ZNF254: variants seen among roughly 807,000 people sequenced by gnomAD.
ZNF254 encodes zinc finger protein 254.
ZNF254 carries 10 observed loss-of-function variants against 12.4 expected under a neutral mutation model. That is an observed-to-expected ratio of 0.80 (90% CI 0.50 to 1.36). The LOEUF (loss-of-function observed/expected upper bound fraction) is 1.36. Among genes scored for constraint, ZNF254 ranks in the 40% most tolerant of loss-of-function variants. The pLI is 0.00. For missense variants in ZNF254, 996 were observed against 763.9 expected (o/e 1.30, Z -3.58); for synonymous variants, 305 against 253.4 (o/e 1.20, Z -1.93).
At chr19:24,058,440 C>T (rs572790777) in intron 2 of ZNF254, among the ~76,000 whole-genome samples, 8 of 145,236 alleles carry the variant, frequency 5.5e-5, no homozygotes, top group South Asian at 2.2e-4. Flanking sequence ...GACAGAATTT[C>T]GCTCTTGTTA....
chr19:24,055,855 C>T (rs972393789), intron 2 of ZNF254, among the ~76,000 whole-genome samples: 1 of 152,278 alleles, frequency 6.6e-6, no homozygotes, highest in Non-Finnish European at 1.5e-5. Context: ...CATTGTAACT[C>T]CTGTTCTTAG....
At chr19:24,095,771 T>C (rs1348851285) in intron 1 of ZNF254, among the ~76,000 whole-genome samples, 2 of 152,144 alleles carry the variant, frequency 1.3e-5, no homozygotes, top group Non-Finnish European at 2.9e-5. Context: ...TTCTTCCTTA[T>C]CTAGTTAGTG....
chr19:24,061,115 C>T (rs1171911737), intron 2 of ZNF254, among the ~76,000 whole-genome samples: 1 of 152,084 alleles, frequency 6.6e-6, no homozygotes, highest in Non-Finnish European at 1.5e-5. Context: ...TCTTCTCCTG[C>T]CTGGGCCCTG....
At chr19:24,068,476 T>G (rs1971361161) in intron 2 of ZNF254, among the ~76,000 whole-genome samples, 1 of 152,148 alleles carries the variant, frequency 6.6e-6, no homozygotes, top group Non-Finnish European at 1.5e-5. Flanking sequence ...AATTTTTGTA[T>G]TTTTAGTAGA....
chr19:24,067,413 G>A (rs572598849), intron 2 of ZNF254, among the ~76,000 whole-genome samples: 193 of 151,734 alleles, frequency 1.3e-3, no homozygotes, highest in Non-Finnish European at 2.3e-3. Flanking sequence ...TTATCTTTCT[G>A]GAGCAGTCCA....
chr19:24,121,033 C>T (rs565536148), intron 3 of ZNF254, among the ~76,000 whole-genome samples: 4 of 151,204 alleles, frequency 2.6e-5, no homozygotes, highest in Non-Finnish European at 5.9e-5. Flanking sequence ...GCCACAGTGC[C>T]TGGCCATCAT....
At chr19:24,080,242 C>T (rs1370062811) in intron 2 of ZNF254, 1 of 152,210 alleles carries the variant, frequency 6.6e-6, no homozygotes, top group Non-Finnish European at 1.5e-5. Context: ...CATGGGGTTG[C>T]CCTCCTGGGT....
chr19:24,119,599 C>G (rs1467308833), intron 3 of ZNF254, among the ~76,000 whole-genome samples: 1 of 152,176 alleles, frequency 6.6e-6, no homozygotes, highest in East Asian at 1.9e-4. Flanking sequence ...AGAAGATTCT[C>G]TGATTGCAGC....
At chr19:24,090,290 GT>G (rs1429888156) in intron 1 of ZNF254, among the ~76,000 whole-genome samples, 2 of 152,082 alleles carry the variant, frequency 1.3e-5, no homozygotes, top group Non-Finnish European at 2.9e-5. Flanking sequence ...CTGGGGCATA[GT>G]TCAGAGTCTC....
chr19:24,087,169 C>T, upstream of ZNF254: 1 of 1,148,686 alleles, frequency 8.7e-7, no homozygotes, highest in Non-Finnish European at 1.3e-6. Context: ...GACAAAGCGG[C>T]TTCCGGGATA....
At chr19:24,122,967 A>G (rs1290832709) in intron 3 of ZNF254, among the ~76,000 whole-genome samples, 3 of 151,554 alleles carry the variant, frequency 2.0e-5, no homozygotes, top group Non-Finnish European at 4.4e-5. Flanking sequence ...AAGAACTTTA[A>G]TGCCTCCAGC....
chr19:24,099,523 A>G (rs987840663), intron 1 of ZNF254, among the ~76,000 whole-genome samples: 2 of 152,210 alleles, frequency 1.3e-5, no homozygotes, highest in Non-Finnish European at 2.9e-5. Flanking sequence ...GCAAGTAGCC[A>G]AAAAGACAGC....
At chr19:24,076,088 T>G (rs1971647532) in intron 2 of ZNF254, among the ~76,000 whole-genome samples, 1 of 152,232 alleles carries the variant, frequency 6.6e-6, no homozygotes, top group Non-Finnish European at 1.5e-5. Context: ...ACAAACAATT[T>G]GTACAGATAA....
chr19:24,087,168 G>C, upstream of ZNF254: 1 of 1,125,096 alleles, frequency 8.9e-7, no homozygotes. Context: ...GGACAAAGCG[G>C]CTTCCGGGAT....
At chr19:24,091,507 T>C (rs1476082337) in intron 1 of ZNF254, among the ~76,000 whole-genome samples, 2 of 152,116 alleles carry the variant, frequency 1.3e-5, no homozygotes, top group African/African-American at 4.8e-5. Context: ...TGATTGTTTT[T>C]TGAGATAAAG....
Position 24,128,391 on chromosome 19 carries a change from CAGA to C in ZNF254, c.*415_*417del, listed in dbSNP as rs559359216. 243 of 159,792 alleles carry C rather than the reference CAGA, an allele frequency of 1.5e-3. No homozygotes were observed. The highest frequency in any genetic ancestry group is 2.8e-3 in the Non-Finnish European group (204 of 73,522). The allele number at this position is 159,792 out of a possible 1,614,324, so 9.9% of individuals were successfully genotyped here. On this transcript the variant is annotated 3_prime_UTR_variant, in exon 4 of 4. Coordinates refer to ENST00000357002, the MANE Select transcript of ZNF254 (RefSeq NM_203282.4). ...AAAGCATTAAAATTCTAATTACTCT[CAGA>C]AGATCTGTCAGAAAGTATGTCTTTA...
chr19:24,077,430 T>C (rs916596271), intron 2 of ZNF254, among the ~76,000 whole-genome samples: 1 of 152,204 alleles, frequency 6.6e-6, no homozygotes. Flanking sequence ...AAGGCACTGC[T>C]AGCTGGTCAC....
chr19:24,085,408 G>GTATATATATATATA (rs377541868), upstream of ZNF254, among the ~76,000 whole-genome samples: 402 of 32,706 alleles, frequency 0.012, 36 homozygotes, highest in Middle Eastern at 0.042. Flanking sequence ...TTTGTTAAGG[G>GTATATATATATATA]TATATATATA....
chr19:24,106,142 T>C, intron 2 of ZNF254, 76 bp downstream of exon 2: 5 of 1,470,978 alleles, frequency 3.4e-6, no homozygotes, highest in Non-Finnish European at 4.5e-6. Context: ...TTCTGGTAAT[T>C]TACGCATTCA....
Sources: allele counts gnomAD v4.1 joint callset (sites outside exome capture counted in the v4.1 genomes callset), GRCh38; gene constraint gnomAD v4.1.1; transcripts MANE v1.5; gene names NCBI Gene and HGNC (gene_info 2026-07-23, HGNC 2026-07-21).